Variants in TRIM37 observed in about 807,000 individuals in gnomAD.
The protein encoded by TRIM37 is E3 ubiquitin-protein ligase TRIM37.
In TRIM37, 80 loss-of-function variants were observed where a neutral mutation model predicts 129.8. The observed-to-expected ratio is 0.62, with a 90% confidence interval of 0.51 to 0.74. The LOEUF is 0.74. TRIM37 is among the 30% of genes least tolerant of loss of function. TRIM37 has a pLI of 0.00. For missense variants in TRIM37, 1,054 were observed against 1,176.5 expected (o/e 0.90, Z 1.52); for synonymous variants, 389 against 387.1 (o/e 1.00, Z -0.06).
chr17:59,051,888 G>A (rs1312967063), intron 13 of TRIM37, among the ~76,000 whole-genome samples: 4 of 151,934 alleles, frequency 2.6e-5, no homozygotes, highest in Admixed American at 6.6e-5. Flanking sequence ...CCGCCACTAC[G>A]CCCGGCTAAT....
At chr17:59,007,952 T>G (rs1413378277) in intron 22 of TRIM37, among the ~76,000 whole-genome samples, 1 of 152,048 alleles carries the variant, frequency 6.6e-6, no homozygotes, top group Non-Finnish European at 1.5e-5. Context: ...AAATAAAGAG[T>G]CTTGTTTTTC....
At chr17:59,015,256 A>G (rs932395096) in intron 21 of TRIM37, among the ~76,000 whole-genome samples, 1 of 152,000 alleles carries the variant, frequency 6.6e-6, no homozygotes, top group Admixed American at 6.6e-5. Flanking sequence ...CCTGGCCAAC[A>G]TGGCAAAACC....
chr17:59,056,695 G>A (rs1216845155), intron 13 of TRIM37, among the ~76,000 whole-genome samples, 180 bp downstream of exon 13: 20 of 96,096 alleles, frequency 2.1e-4, no homozygotes, highest in Admixed American at 3.2e-4. Context: ...GCGCCAGGGC[G>A]ACAGAGCGAG....
At chr17:59,014,454 G>A (rs2035516241) in intron 21 of TRIM37, among the ~76,000 whole-genome samples, 1 of 152,164 alleles carries the variant, frequency 6.6e-6, no homozygotes, top group South Asian at 2.1e-4. Context: ...ATAGATGGAA[G>A]TTTAATTGCC....
the TRIM37 span, chr17:58,972,333 G>C: frequency 5.3e-6 from 8 of 1,515,376 alleles, no homozygotes; most frequent in African/African-American, 2.8e-5. Context: ...AGATTTTCTA[G>C]TTATTGATTA....
At chr17:59,012,244 A>ACCC (rs1567968099) in intron 22 of TRIM37, 84 bp downstream of exon 22, 2 of 852,366 alleles carry the variant, frequency 2.3e-6, no homozygotes, top group Admixed American at 1.8e-5. Context: ...CACCACCACC[A>ACCC]CCACCACCAC....
chr17:59,091,510 CATAT>C (rs1173461238), intron 2 of TRIM37, among the ~76,000 whole-genome samples, 170 bp from the exon 3 acceptor site: 13 of 71,766 alleles, frequency 1.8e-4, no homozygotes, highest in Admixed American at 1.2e-3. Flanking sequence ...TATAACATAT[CATAT>C]ATATATAATG....
intron 12 of TRIM37, among the ~76,000 whole-genome samples, chr17:59,059,804 A>G (rs2041312630): frequency 6.6e-6 from 1 of 152,216 alleles, no homozygotes; most frequent in South Asian, 2.1e-4. Flanking sequence ...AGCAGTGTTC[A>G]GTCTAGGGCT....
intron 9 of TRIM37, among the ~76,000 whole-genome samples, chr17:59,070,019 G>A (rs1344964743): frequency 6.6e-6 from 1 of 152,186 alleles, no homozygotes; most frequent in African/African-American, 2.4e-5. Context: ...CCAGTATATG[G>A]TATTTTGTTA....
chr17:59,086,219 A>G (rs1203942319), intron 4 of TRIM37, among the ~76,000 whole-genome samples: 3 of 152,004 alleles, frequency 2.0e-5, no homozygotes, highest in Non-Finnish European at 4.4e-5. Context: ...CTTGTTTATA[A>G]AGTAGACATA....
Position 59,079,798 on chromosome 17 carries a change from G to C in TRIM37, c.572C>G (p.Ala191Gly), listed in dbSNP as rs999601457. ...EIRNAVEMMIARLDTQLKNKL... is the reference protein window; with the variant it reads ...EIRNAVEMMIGRLDTQLKNKL... ...ATTCTTCAGCTGTGTGTCTAACCGT[G>C]CAATCATCATCTCCACTGCATTCCT... Residue 191 changes from alanine to glycine, a missense_variant, in exon 7 of 24, where the codon GCA becomes GGA. Ala to Gly is a moderately conservative substitution (Grantham distance 60). Around this residue, in one of 3 missense-constraint regions of TRIM37, gnomAD observed 752 missense variants for 870.8 expected, o/e 0.86. Transcript: ENST00000262294. 28 of 1,614,038 alleles carry C rather than the reference G, an allele frequency of 1.7e-5. No homozygotes were observed. The highest frequency in any genetic ancestry group is 2.3e-5 in the Non-Finnish European group (27 of 1,179,962).
In TRIM37 at chr17:59,032,104, G is replaced by A. The variant is rs372068702; in HGVS notation, c.1754-14C>T. On this transcript the variant is annotated splice_polypyrimidine_tract_variant and intron_variant, in intron 17 of 23. Coordinates refer to ENST00000262294, the MANE Select transcript of TRIM37 (RefSeq NM_015294.6). The stretch of plus-strand genomic sequence containing the variant: ...CATGGCTACTACCTGCAAAAGAGGC[G>A]TAGAAAATGATATATATATGCACAA... 5.5e-5 allele frequency: 88 copies of A among 1,612,042 alleles called. No individual in the cohort carries two copies. Among genetic ancestry groups the A allele is most frequent in the South Asian group, 8.8e-5 (8 of 91,024 alleles).
At chr17:59,020,230 CAAAAAAAAAAAA>C (rs58159558) in intron 19 of TRIM37, among the ~76,000 whole-genome samples, 29 of 32,056 alleles carry the variant, frequency 9.0e-4, no homozygotes, top group Admixed American at 3.0e-3. Flanking sequence ...GACTCTGTCT[CAAAAAAAAAAAA>C]AAAAAAAAAA....
intron 22 of TRIM37, among the ~76,000 whole-genome samples, chr17:59,011,304 T>G (rs774255869): frequency 2.0e-5 from 3 of 152,332 alleles, no homozygotes; most frequent in Admixed American, 1.3e-4. Context: ...CTATTTAATC[T>G]CTTCTACTGA....
chr17:58,980,452 G>A, downstream of TRIM37: 2 of 1,614,126 alleles, frequency 1.2e-6, no homozygotes, highest in East Asian at 2.2e-5. The surrounding 1 kb of genome is among the most constrained non-coding windows in gnomAD (Gnocchi z 4.7). Flanking sequence ...AAATCAACGT[G>A]CTGGAAGACC....
At chr17:58,990,794 A>T (rs2032310829) in intron 24 of TRIM37, among the ~76,000 whole-genome samples, 1 of 151,016 alleles carries the variant, frequency 6.6e-6, no homozygotes, top group Non-Finnish European at 1.5e-5. Context: ...CTGTCTCAAA[A>T]AAAAAAAAAA....
downstream of TRIM37, among the ~76,000 whole-genome samples, chr17:58,993,341 T>A (rs2032643824): frequency 6.6e-6 from 1 of 152,112 alleles, no homozygotes; most frequent in African/African-American, 2.4e-5. Context: ...AAGCTTACAC[T>A]CACACAAAAA....
At chr17:59,039,350 CTTT>C (rs71145516) in intron 17 of TRIM37, among the ~76,000 whole-genome samples, 1 of 144,494 alleles carries the variant, frequency 6.9e-6, no homozygotes, top group African/African-American at 2.5e-5. Flanking sequence ...GATGGCCAGT[CTTT>C]TTTTTTTTTT....
rs1476569452 is a variant in TRIM37 at position 59,001,680 on chromosome 17, A to C, written c.2730T>G (p.Thr910=). Residue 910 remains threonine, a synonymous_variant, in exon 23 of 24, where the codon ACT becomes ACG. Coordinates refer to ENST00000262294, the MANE Select transcript of TRIM37 (RefSeq NM_015294.6). ...TATGCTCTTCCTGCTCCTCATTCTCAGTGTCACATTCAATGTCACTGTCGC... is the reference window on the plus strand; with the variant it reads ...TATGCTCTTCCTGCTCCTCATTCTCCGTGTCACATTCAATGTCACTGTCGC... ...MSSDSDIECD[T]ENEEQEEHTS... is the part of the protein sequence containing the mutation. 6.2e-7 allele frequency: 1 copy of C among 1,613,946 alleles called. No homozygotes were observed. Among genetic ancestry groups the C allele is most frequent in the African/African-American group, 1.3e-5 (1 of 74,922 alleles).
Sources: allele counts gnomAD v4.1 joint callset (sites outside exome capture counted in the v4.1 genomes callset), GRCh38; gene constraint gnomAD v4.1.1; regional missense constraint gnomAD v4.1.1; non-coding constraint Gnocchi (gnomAD v3.1); transcripts MANE v1.5; gene names NCBI Gene and HGNC (gene_info 2026-07-23, HGNC 2026-07-21).